Variants in OR52A5 observed in about 807,000 individuals in gnomAD.
OR52A5 encodes the protein olfactory receptor family 52 subfamily A member 5, also known as olfactory receptor 52A5.
In OR52A5, 16 loss-of-function variants were observed where a neutral mutation model predicts 18.2. The ratio of observed to expected loss-of-function variants is 0.88; its 90% CI spans 0.60 to 1.34. The LOEUF (loss-of-function observed/expected upper bound fraction) is 1.34, where lower values mean the gene tolerates loss of function less well. Among genes scored for constraint, OR52A5 ranks in the 40% most tolerant of loss-of-function variants. The pLI is 0.00. For missense variants in OR52A5, 418 were observed against 383.0 expected (o/e 1.09, Z -0.76); for synonymous variants, 140 against 137.2 (o/e 1.02, Z -0.14).
At position 5,129,814 on chromosome 11, in the gene OR52A5, C is replaced by A. The variant is rs1272922600; in HGVS notation, c.*1878G>T. On this transcript the variant is annotated 3_prime_UTR_variant, in exon 2 of 2. Transcript: ENST00000307388. ...CTGACTGGGACCTAGCTGAAATCAG[C>A]TGGACCAGGTGCTGTACTCCATGTG... 6.6e-6 allele frequency: 1 copy of A among 152,138 alleles called. No individual in the cohort carries two copies. Among genetic ancestry groups the A allele is most frequent in the East Asian group, 1.9e-4 (1 of 5,186 alleles). The allele number at this position is 152,138 out of a possible 1,614,324, so 9.4% of individuals were successfully genotyped here. A position where few individuals can be genotyped will look rare whatever the true frequency, so the allele number is the denominator to read the frequency against.
rs899054842 is a variant in OR52A5, at chr11:5,130,708, A to T, written c.*984T>A. ...TATCTATGTCTGCCTCTTGAATGAT[A>T]TGATTTTTTACATCAGAACGTTTTA... On this transcript the variant is annotated 3_prime_UTR_variant, in exon 2 of 2. Coordinates refer to ENST00000307388, the MANE Select transcript of OR52A5 (RefSeq NM_001005160.3). The T allele has an allele frequency of 1.3e-5, 2 of 152,080 alleles. No individual in the cohort carries two copies. Among genetic ancestry groups the T allele is most frequent in the African/African-American group, 4.8e-5 (2 of 41,426 alleles). The allele number at this position is 152,080 out of a possible 1,614,324, so 9.4% of individuals were successfully genotyped here. A position where few individuals can be genotyped will look rare whatever the true frequency, so the allele number is the denominator to read the frequency against.
At chr11:5,135,646 C>T (rs1052324274) in intron 1 of OR52A5, among the ~76,000 whole-genome samples, 2 of 152,178 alleles carry the variant, frequency 1.3e-5, no homozygotes, top group Non-Finnish European at 2.9e-5. Flanking sequence ...TACCCAGAGG[C>T]TTCATCTGCA....
Position 5,130,580 on chromosome 11 carries a change from TTTGA to T in OR52A5, c.*1108_*1111del, listed in dbSNP as rs1300287020. The T allele has an allele frequency of 1.3e-5, 2 of 150,702 alleles. No homozygotes were observed. The highest frequency in any genetic ancestry group is 1.9e-4 in the East Asian group (1 of 5,200). The allele number at this position is 150,702 out of a possible 1,614,324, so 9.3% of individuals were successfully genotyped here. On this transcript the variant is annotated 3_prime_UTR_variant, in exon 2 of 2. Coordinates refer to ENST00000307388, the MANE Select transcript of OR52A5 (RefSeq NM_001005160.3). ...GTTGTTTTATCTTTTGTCATGTATT[TTTGA>T]TTCTTTCTAAATATAATGTTTACAT...
Position 5,132,238 on chromosome 11 carries a change from G to A in OR52A5, c.405C>T (p.Ala135=). The A allele has an allele frequency of 1.2e-6, 2 of 1,614,066 alleles. No homozygotes were observed. Among genetic ancestry groups the A allele is most frequent in the Non-Finnish European group, 1.7e-6 (2 of 1,180,012 alleles). ...TTAAGAACTGCTGGGAAAAGATGGTGGCATGTCTCAAGGGGATACAGATGG... is the reference window on the plus strand; with the variant it reads ...TTAAGAACTGCTGGGAAAAGATGGTAGCATGTCTCAAGGGGATACAGATGG... The part of the protein sequence containing the change: ...YVAICIPLRH[A]TIFSQQFLTH... The change falls in exon 2 of 2, where the codon GCC becomes GCT. Residue 135 remains alanine, a synonymous_variant. Coordinates refer to ENST00000307388, the MANE Select transcript of OR52A5 (RefSeq NM_001005160.3).
chr11:5,131,963 G>C lies in OR52A5; in HGVS notation c.680C>G (p.Thr227Ser), dbSNP rs771134405. 1.2e-6 allele frequency: 2 copies of C among 1,614,196 alleles called. No homozygotes were observed. The highest frequency in any genetic ancestry group is 8.5e-7 in the Non-Finnish European group (1 of 1,180,028). The change falls in exon 2 of 2, where the codon ACT becomes AGT. Residue 227 changes from threonine (T) to serine (S), a missense_variant. Coordinates refer to ENST00000307388, the MANE Select transcript of OR52A5 (RefSeq NM_001005160.3). ...CTCCTTCTGGGGCAGCTGAAAGACA[G>C]TGATAAAAATTTGGACATAGGACAA... is the stretch of plus-strand genomic sequence containing the variant. ...ITLSYVQIFI[T>S]VFQLPQKEAR...
rs951535304 is a variant in OR52A5 at position 5,130,245 on chromosome 11, C to T, written c.*1447G>A. The stretch of plus-strand genomic sequence containing the variant: ...CAGATACTTTGAAATACAGTTTTTT[C>T]ATTCACTCATGATTAATCTGTAGTT... On this transcript the variant is annotated 3_prime_UTR_variant, in exon 2 of 2. Coordinates refer to ENST00000307388, the MANE Select transcript of OR52A5 (RefSeq NM_001005160.3). 5 of 151,662 alleles carry T rather than the reference C, an allele frequency of 3.3e-5. No homozygotes were observed. Among genetic ancestry groups the T allele is most frequent in the Admixed American group, 2.0e-4 (3 of 15,246 alleles). 9.4% of individuals were successfully genotyped at this position (151,662 alleles called of 1,614,324 possible).
At chr11:5,136,384 T>C (rs1846392695) in intron 1 of OR52A5, among the ~76,000 whole-genome samples, 1 of 152,168 alleles carries the variant, frequency 6.6e-6, no homozygotes, top group Non-Finnish European at 1.5e-5. Context: ...GCCAAATAAA[T>C]TATTTGTTGT....
intron 1 of OR52A5, among the ~76,000 whole-genome samples, chr11:5,134,898 T>C (rs978817651): frequency 6.6e-6 from 1 of 152,104 alleles, no homozygotes; most frequent in African/African-American, 2.4e-5. Context: ...TAACTTATTT[T>C]TGAGATTATC....
chr11:5,132,530 A>G lies in OR52A5; in HGVS notation c.113T>C (p.Leu38Pro), dbSNP rs546073339. 1 of 1,613,956 alleles carries G rather than the reference A, an allele frequency of 6.2e-7. No individual in the cohort carries two copies. Among genetic ancestry groups the G allele is most frequent in the Admixed American group, 1.7e-5 (1 of 60,026 alleles). Residue 38 changes from leucine to proline, a missense_variant, in exon 2 of 2, where the codon CTT becomes CCT. Coordinates refer to ENST00000307388, the MANE Select transcript of OR52A5 (RefSeq NM_001005160.3). Reference sequence around the variant, plus strand: ...TAGGGAATTTCCAATCACACCAATAAGATACATGGCAGAGAAAGGAATCCC... The same window carrying G: ...TAGGGAATTTCCAATCACACCAATAGGATACATGGCAGAGAAAGGAATCCC... ...WIGIPFSAMY[L>P]IGVIGNSLIL...
rs1231846906 is a variant in OR52A5 at position 5,129,308 on chromosome 11, C to G, written c.*2384G>C. ...ATATTCCTCACAAGTCTCTGAGGCT[C>G]GTATTGTTAGCCCCATTGTAGAGAA... On this transcript the variant is annotated 3_prime_UTR_variant, in exon 2 of 2. Coordinates refer to ENST00000307388, the MANE Select transcript of OR52A5 (RefSeq NM_001005160.3). 3.3e-5 allele frequency: 5 copies of G among 152,040 alleles called. No homozygotes were observed. In the East Asian group the frequency reaches 9.6e-4, roughly 29 times the overall value. 9.4% of individuals were successfully genotyped at this position (152,040 alleles called of 1,614,324 possible).
At chr11:5,137,657 C>T (rs1276422586) in intron 1 of OR52A5, among the ~76,000 whole-genome samples, 2 of 152,004 alleles carry the variant, frequency 1.3e-5, no homozygotes, top group Non-Finnish European at 2.9e-5. Context: ...TAATAGACAC[C>T]AGTCATAGAT....
At position 5,130,637 on chromosome 11, in the gene OR52A5, A is replaced by G. The variant is rs1846327758; in HGVS notation, c.*1055T>C. The G allele has an allele frequency of 6.6e-6, 1 of 152,060 alleles. No individual in the cohort carries two copies. The highest frequency in any genetic ancestry group is 1.5e-5 in the Non-Finnish European group (1 of 67,960). The allele number at this position is 152,060 out of a possible 1,614,324, so 9.4% of individuals were successfully genotyped here. A position where few individuals can be genotyped will look rare whatever the true frequency, so the allele number is the denominator to read the frequency against. The stretch of plus-strand genomic sequence containing the variant: ...ACTTTATTAAAAAAATTATGACTCA[A>G]AGTCATTTCTACATTATTGACAAGA... On this transcript the variant is annotated 3_prime_UTR_variant, in exon 2 of 2. Transcript: ENST00000307388.
In OR52A5 at chr11:5,131,016, G is replaced by C. The variant is rs949326768; in HGVS notation, c.*676C>G. Reference sequence around the variant, plus strand: ...GTATGGTAAGATTGCATATTACTTAGAGCCTCCAAATTTGTGGCTTTTGAA... The same window carrying C: ...GTATGGTAAGATTGCATATTACTTACAGCCTCCAAATTTGTGGCTTTTGAA... On this transcript the variant is annotated 3_prime_UTR_variant, in exon 2 of 2. Transcript: ENST00000307388. 2.0e-5 allele frequency: 3 copies of C among 152,106 alleles called. No homozygotes were observed. The highest frequency in any genetic ancestry group is 7.2e-5 in the African/African-American group (3 of 41,430). 9.4% of individuals were successfully genotyped at this position (152,106 alleles called of 1,614,324 possible).
rs2133520397 is a variant in OR52A5, at chr11:5,129,218, G to A, written c.*2474C>T. The A allele has an allele frequency of 6.6e-6, 1 of 152,116 alleles. No homozygotes were observed. The highest frequency in any genetic ancestry group is 2.1e-4 in the South Asian group (1 of 4,814). The allele number at this position is 152,116 out of a possible 1,614,324, so 9.4% of individuals were successfully genotyped here. On this transcript the variant is annotated 3_prime_UTR_variant, in exon 2 of 2. Coordinates refer to ENST00000307388, the MANE Select transcript of OR52A5 (RefSeq NM_001005160.3). Reference sequence around the variant, plus strand: ...TAATTCTCAGAGTATGTACACCTTGGCCTACATGTTTAAGGTGTGTTTTAG... The same window carrying A: ...TAATTCTCAGAGTATGTACACCTTGACCTACATGTTTAAGGTGTGTTTTAG...
chr11:5,134,111 C>CT (rs1589861001), intron 1 of OR52A5, among the ~76,000 whole-genome samples: 2 of 152,208 alleles, frequency 1.3e-5, no homozygotes, highest in East Asian at 3.9e-4. Flanking sequence ...AGCTCAAGGG[C>CT]TTTTTATTGT....
In OR52A5 at chr11:5,132,203, C is replaced by T. The variant is rs759149864; in HGVS notation, c.440G>A (p.Gly147Glu). 1.9e-6 allele frequency: 3 copies of T among 1,614,052 alleles called. No individual in the cohort carries two copies. The highest frequency in any genetic ancestry group is 1.7e-5 in the Admixed American group (1 of 60,014). ...IFSQQFLTHIGLGVTLRAAIL... is the reference protein window; with the variant it reads ...IFSQQFLTHIELGVTLRAAIL... ...GGCAGCCCTGAGTGTCACCCCAAGT[C>T]CAATATGAGTTAAGAACTGCTGGGA... Residue 147 changes from glycine (G) to glutamate (E), a missense_variant, in exon 2 of 2, where the codon GGA becomes GAA. Physicochemically the swap from Gly to Glu is moderately conservative, Grantham distance 98 (BLOSUM62 -2). Transcript: ENST00000307388.
intron 1 of OR52A5, among the ~76,000 whole-genome samples, chr11:5,132,982 C>A (rs1279980217): frequency 6.6e-6 from 1 of 151,216 alleles, no homozygotes; most frequent in Non-Finnish European, 1.5e-5. Flanking sequence ...TGTGCTTTTT[C>A]TTTGACTTAC....
rs1846316536 is a variant in OR52A5, at chr11:5,129,675, G to A, written c.*2017C>T. On this transcript the variant is annotated 3_prime_UTR_variant, in exon 2 of 2. Coordinates refer to ENST00000307388, the MANE Select transcript of OR52A5 (RefSeq NM_001005160.3). ...CGTGTACAACCTCATTTTGAGGCCAGGTCTTTTTTTATACCTTAAAAAAAG... is the reference window on the plus strand; with the variant it reads ...CGTGTACAACCTCATTTTGAGGCCAAGTCTTTTTTTATACCTTAAAAAAAG... 1 of 151,904 alleles carries A rather than the reference G, an allele frequency of 6.6e-6. No individual in the cohort carries two copies. The allele number at this position is 151,904 out of a possible 1,614,324, so 9.4% of individuals were successfully genotyped here. A position where few individuals can be genotyped will look rare whatever the true frequency, so the allele number is the denominator to read the frequency against.
chr11:5,129,567 G>A lies in OR52A5; in HGVS notation c.*2125C>T, dbSNP rs1052403517. On this transcript the variant is annotated 3_prime_UTR_variant, in exon 2 of 2. Coordinates refer to ENST00000307388, the MANE Select transcript of OR52A5 (RefSeq NM_001005160.3). ...TATCTCAGCCCTCTAGCTGCTGTAG[G>A]TGGCTGTCCTTTATCTCGGATTCTG... 6.6e-6 allele frequency: 1 copy of A among 152,036 alleles called. No individual in the cohort carries two copies. The highest frequency in any genetic ancestry group is 6.6e-5 in the Admixed American group (1 of 15,242). 9.4% of individuals were successfully genotyped at this position (152,036 alleles called of 1,614,324 possible). A position where few individuals can be genotyped will look rare whatever the true frequency, so the allele number is the denominator to read the frequency against.
Sources: gnomAD v4.1 joint callset for allele counts (sites outside exome capture counted in the v4.1 genomes callset) on GRCh38, gnomAD v4.1.1 for gene constraint, MANE v1.5 for transcripts, NCBI Gene and HGNC (gene_info 2026-07-23, HGNC 2026-07-21) for gene names.